The following DPYSL2 variants were observed in gnomAD, a reference collection of about 807,000 sequenced individuals.
The protein encoded by DPYSL2 is dihydropyrimidinase-related protein 2.
In DPYSL2, 13 loss-of-function variants were observed where a neutral mutation model predicts 69.9. The observed-to-expected ratio is 0.19, with a 90% CI of 0.12 to 0.30. The LOEUF (loss-of-function observed/expected upper bound fraction) is 0.30, where lower values mean the gene tolerates loss of function less well. DPYSL2 is among the 10% of genes least tolerant of loss of function. DPYSL2 has a pLI of 1.00. For synonymous variants in DPYSL2, 326 were observed against 359.1 expected (o/e 0.91, Z 1.04); for missense variants, 587 against 918.9 (o/e 0.64, Z 4.67).
chr8:26,649,445 A>G (rs1803237439), intron 11 of DPYSL2, among the ~76,000 whole-genome samples: 1 of 152,156 alleles, frequency 6.6e-6, no homozygotes, highest in Admixed American at 6.5e-5. Context: ...GGAAGGAGAG[A>G]AGATTTGGGA....
intron 3 of DPYSL2, among the ~76,000 whole-genome samples, chr8:26,618,827 G>C (rs940908998): frequency 6.6e-6 from 1 of 150,888 alleles, no homozygotes; most frequent in Non-Finnish European, 1.5e-5. Flanking sequence ...GCATGATGGC[G>C]CGCGCCTGTG....
chr8:26,655,757 A>G lies in DPYSL2; in HGVS notation c.*51A>G. 1 of 1,358,792 alleles carries G rather than the reference A, an allele frequency of 7.4e-7. No individual in the cohort carries two copies. 84.2% of individuals were successfully genotyped at this position (1,358,792 alleles called of 1,614,324 possible). A position where few individuals can be genotyped will look rare whatever the true frequency, so the allele number is the denominator to read the frequency against. The stretch of plus-strand genomic sequence containing the variant: ...GGGACTGGGGATGGGACACCTGAGG[A>G]CATTCTGAGACTTCTTTCTTCCTTC... On this transcript the variant is annotated 3_prime_UTR_variant, in exon 14 of 14. Transcript: ENST00000521913.
chr8:26,575,994 CCA>C (rs1801321207), intron 1 of DPYSL2, among the ~76,000 whole-genome samples: 2 of 152,162 alleles, frequency 1.3e-5, no homozygotes. Flanking sequence ...GTGACTTTAA[CCA>C]TTACCGGTTG....
intron 1 of DPYSL2, among the ~76,000 whole-genome samples, chr8:26,557,796 A>G (rs1267029016): frequency 6.6e-6 from 1 of 151,790 alleles, no homozygotes; most frequent in Admixed American, 6.6e-5. Context: ...TAAAACAAAC[A>G]AACAAACAAA....
chr8:26,537,815 A>G (rs752269421), intron 1 of DPYSL2, among the ~76,000 whole-genome samples: 22 of 152,192 alleles, frequency 1.4e-4, no homozygotes, highest in Non-Finnish European at 2.9e-4. Context: ...ATTTTGTTCA[A>G]ATTTCACCAA....
At chr8:26,599,725 A>T (rs1460173387) in intron 3 of DPYSL2, among the ~76,000 whole-genome samples, 1 of 152,106 alleles carries the variant, frequency 6.6e-6, no homozygotes, top group Non-Finnish European at 1.5e-5. Context: ...TCAAAAAAAT[A>T]AATAAATAAA....
chr8:26,530,879 T>C (rs1300282728), intron 1 of DPYSL2, among the ~76,000 whole-genome samples: 1 of 152,146 alleles, frequency 6.6e-6, no homozygotes, highest in African/African-American at 2.4e-5. Context: ...TGCTAGGTCT[T>C]GACAGGGAGG....
chr8:26,602,138 A>ATTTTTT (rs374443692), intron 3 of DPYSL2, among the ~76,000 whole-genome samples: 4 of 135,296 alleles, frequency 3.0e-5, no homozygotes, highest in Non-Finnish European at 3.1e-5. Context: ...AACAAAGGAA[A>ATTTTTT]TTTTTTTTTT....
At chr8:26,526,205 C>T (rs1808473149) in intron 1 of DPYSL2, among the ~76,000 whole-genome samples, 1 of 152,184 alleles carries the variant, frequency 6.6e-6, no homozygotes, top group African/African-American at 2.4e-5. Context: ...AGCGATTCTC[C>T]TGCCTCAGCC....
chr8:26,655,519 AC>A, intron 13 of DPYSL2, 95 bp from the exon 14 acceptor site: 1 of 1,118,848 alleles, frequency 8.9e-7, no homozygotes, highest in South Asian at 1.8e-5. Flanking sequence ...TGCGACTAGC[AC>A]TTTTCCTCCT....
At chr8:26,528,644 TA>T (rs371586511) in intron 1 of DPYSL2, among the ~76,000 whole-genome samples, 277 of 115,294 alleles carry the variant, frequency 2.4e-3, no homozygotes, top group Middle Eastern at 9.7e-3. Flanking sequence ...AGACTCTGTC[TA>T]AAAAAAAAAA....
rs150442037 is a variant in DPYSL2 at position 26,582,090 on chromosome 8, G to T, written c.443+33G>T. On this transcript the variant is annotated intron_variant, in intron 2 of 13. Transcript: ENST00000521913. The surrounding 1 kb of genome is among the most constrained non-coding windows in gnomAD (Gnocchi z 4.1). ...TAACTCATGATATACAGATGTATTT[G>T]AACACTTTCCAGACTTCCCAAGTAT... is the stretch of plus-strand genomic sequence containing the variant. The T allele has an allele frequency of 1.3e-6, 2 of 1,561,372 alleles. No homozygotes were observed. The highest frequency in any genetic ancestry group is 2.2e-5 in the East Asian group (1 of 44,556).
Position 26,582,253 on chromosome 8 carries a change from T to C in DPYSL2, c.443+196T>C, listed in dbSNP as rs549488422. 1.3e-5 allele frequency among the ~76,000 whole-genome samples: 2 copies of C among 152,338 alleles called. No individual in the cohort carries two copies. Among genetic ancestry groups the C allele is most frequent in the East Asian group, 1.9e-4 (1 of 5,194 alleles). ...AAATTTAGGGAATTCAAAGCAACAA[T>C]TAATGTACACCCGTTGCATTAGGTA... On this transcript the variant is annotated intron_variant, in intron 2 of 13. Coordinates refer to ENST00000521913, the MANE Select transcript of DPYSL2 (RefSeq NM_001197293.3). This position sits in a 1 kb window ranked among gnomAD's most constrained non-coding sequence, Gnocchi z 4.1.
chr8:26,559,683 A>G (rs924080624), intron 1 of DPYSL2, among the ~76,000 whole-genome samples: 1 of 152,190 alleles, frequency 6.6e-6, no homozygotes, highest in South Asian at 2.1e-4. Flanking sequence ...ATTAACTCGT[A>G]GGTTTCAAAT....
At position 26,578,003 on chromosome 8, in the gene DPYSL2, C is replaced by CTCTT. The variant is rs1801398354; in HGVS notation, c.355-3963_355-3962insTTCT. On this transcript the variant is annotated intron_variant, in intron 1 of 13. Coordinates refer to ENST00000521913, the MANE Select transcript of DPYSL2 (RefSeq NM_001197293.3). ...TGTTTCTCTCTCTCCTTCTCTCTCT[C>CTCTT]TCTCTCTCTCTCTCTTTTTTTTCCG... 2.2e-6 allele frequency: 3 copies of CTCTT among 1,367,048 alleles called. No homozygotes were observed. The African/African-American group carries it at 4.5e-5, about 20-fold the overall frequency. The allele number at this position is 1,367,048 out of a possible 1,614,324, so 84.7% of individuals were successfully genotyped here.
intron 7 of DPYSL2, among the ~76,000 whole-genome samples, chr8:26,628,425 A>T (rs1394147265): frequency 6.6e-6 from 1 of 152,198 alleles, no homozygotes; most frequent in African/African-American, 2.4e-5. Flanking sequence ...TTTTAAAATT[A>T]TGGAGGGAAG....
chr8:26,582,998 A>T lies in DPYSL2; in HGVS notation c.444-801A>T, dbSNP rs1205508296. Among the ~76,000 whole-genome samples, 1 of 152,120 alleles carries T rather than the reference A, an allele frequency of 6.6e-6. No homozygotes were observed. The highest frequency in any genetic ancestry group is 2.4e-5 in the African/African-American group (1 of 41,434). On this transcript the variant is annotated intron_variant, in intron 2 of 13. Transcript: ENST00000521913. The surrounding 1 kb of genome is among the most constrained non-coding windows in gnomAD (Gnocchi z 4.1). ...CAGGCTCTCAAATGCCATGACTTTG[A>T]TGTTCCATTTTCCCCCAATTATAAG...
chr8:26,623,475 C>G (rs898821782), intron 3 of DPYSL2, among the ~76,000 whole-genome samples: 2 of 152,130 alleles, frequency 1.3e-5, no homozygotes, highest in African/African-American at 4.8e-5. Context: ...GGAGTTTACC[C>G]CAGGACACCA....
intron 3 of DPYSL2, among the ~76,000 whole-genome samples, chr8:26,615,868 G>A (rs1802335519): frequency 6.6e-6 from 1 of 152,210 alleles, no homozygotes; most frequent in Non-Finnish European, 1.5e-5. Context: ...TACAAGGCAA[G>A]TAGTTCACCC....
Sources: allele counts gnomAD v4.1 joint callset (sites outside exome capture counted in the v4.1 genomes callset), GRCh38; gene constraint gnomAD v4.1.1; non-coding constraint Gnocchi (gnomAD v3.1); transcripts MANE v1.5; gene names NCBI Gene and HGNC (gene_info 2026-07-23, HGNC 2026-07-21).